Variants in SKA1 observed in about 807,000 individuals in gnomAD.
SKA1 encodes the protein spindle and kinetochore associated complex subunit 1, also known as SKA complex subunit 1.
SKA1 carries 20 observed loss-of-function variants against 31.8 expected under a neutral mutation model. The observed-to-expected ratio is 0.63, with a 90% CI of 0.44 to 0.91. The LOEUF (loss-of-function observed/expected upper bound fraction) is 0.91. SKA1 is among the 40% of genes least tolerant of loss of function. SKA1 has a pLI of 0.00. For synonymous variants in SKA1, 88 were observed against 100.5 expected, an observed-to-expected ratio of 0.88 and a Z score of 0.74; for missense variants, 253 against 298.2, an observed-to-expected ratio of 0.85 and a Z score of 1.12.
chr18:50,386,070 C>T (rs2149321902), intron 5 of SKA1, among the ~76,000 whole-genome samples: 1 of 152,242 alleles, frequency 6.6e-6, no homozygotes, highest in African/African-American at 2.4e-5. Context: ...TTTGACTATA[C>T]ATATGTAACA....
At chr18:50,376,505 A>AG (rs1428243789) in intron 2 of SKA1, among the ~76,000 whole-genome samples, 4 of 152,030 alleles carry the variant, frequency 2.6e-5, no homozygotes, top group African/African-American at 7.3e-5. Flanking sequence ...ACACCTGTAT[A>AG]GGCCACTTAC....
chr18:50,384,871 T>TAAAAAAAAAAAAAAAAAAAAAAAAAA (rs10608403), intron 4 of SKA1, among the ~76,000 whole-genome samples: 59 of 82,600 alleles, frequency 7.1e-4, no homozygotes, highest in Non-Finnish European at 8.0e-4. Flanking sequence ...AAAAAAAAAT[T>TAAAAAAAAAAAAAAAAAAAAAAAAAA]AAAAAAAAAA....
chr18:50,390,952 T>A (rs2041351901), intron 5 of SKA1, among the ~76,000 whole-genome samples, 172 bp from the exon 6 acceptor site: 1 of 152,228 alleles, frequency 6.6e-6, no homozygotes, highest in Non-Finnish European at 1.5e-5. Context: ...TGTTGTCATC[T>A]CTATTTAATT....
At chr18:50,382,369 T>G (rs780713182) in intron 4 of SKA1, 143 bp downstream of exon 4, 6 of 501,594 alleles carry the variant, frequency 1.2e-5, no homozygotes, top group Non-Finnish European at 1.7e-5. Context: ...AAACAGTATT[T>G]CCATGTTCAC....
chr18:50,392,167 G>A lies in SKA1; in HGVS notation c.688G>A (p.Val230Met), dbSNP rs151114367. The A allele has an allele frequency of 2.3e-4, 374 of 1,610,382 alleles. No homozygotes were observed. The highest frequency in any genetic ancestry group is 9.2e-4 in the South Asian group (83 of 90,092). Residue 230 changes from valine to methionine, a missense_variant, in exon 7 of 7, where the codon GTG (valine) becomes ATG (methionine). By Grantham distance (21) the Val-to-Met change is conservative (BLOSUM62 1). Transcript: ENST00000285116. Reference sequence around the variant, plus strand: ...TTTGAAAGCTGACAAGAAGTTTCACGTGTTACTGAATATTTTACGACACTG... The same window carrying A: ...TTTGAAAGCTGACAAGAAGTTTCACATGTTACTGAATATTTTACGACACTG... ...TTLKADKKFH[V>M]LLNILRHCRR...
intron 5 of SKA1, among the ~76,000 whole-genome samples, chr18:50,386,520 GTATGACA>G (rs1477692670): frequency 6.6e-6 from 1 of 152,136 alleles, no homozygotes; most frequent in Admixed American, 6.5e-5. Context: ...TAGAGCATTG[GTATGACA>G]TATCTGTTAC....
At chr18:50,377,166 C>T (rs979707566) in intron 2 of SKA1, among the ~76,000 whole-genome samples, 1 of 151,938 alleles carries the variant, frequency 6.6e-6, no homozygotes, top group Admixed American at 6.6e-5. Flanking sequence ...ATTGTATGTG[C>T]TGTACTTTTG....
intron 4 of SKA1, among the ~76,000 whole-genome samples, chr18:50,384,649 A>AAGAGAAGCCATTAAGCC (rs1568329649): frequency 1.4e-5 from 2 of 142,220 alleles, no homozygotes; most frequent in Admixed American, 7.0e-5. Context: ...TTAAGGGGTT[A>AAGAGAAGCCATTAAGCC]GAACAATGAG....
intron 5 of SKA1, among the ~76,000 whole-genome samples, chr18:50,387,102 C>T (rs1256797486): frequency 6.6e-6 from 1 of 152,218 alleles, no homozygotes; most frequent in Non-Finnish European, 1.5e-5. Flanking sequence ...CTGCCAATGG[C>T]TATACCATTT....
chr18:50,387,615 C>T (rs1042614633), intron 5 of SKA1, among the ~76,000 whole-genome samples: 2 of 152,160 alleles, frequency 1.3e-5, no homozygotes, highest in African/African-American at 4.8e-5. Flanking sequence ...GATGTATCTT[C>T]AAGTTCGCTG....
At chr18:50,377,817 G>A (rs142764998) in intron 2 of SKA1, among the ~76,000 whole-genome samples, 3 of 152,324 alleles carry the variant, frequency 2.0e-5, no homozygotes, top group East Asian at 3.9e-4. Flanking sequence ...TCTCAGGGAC[G>A]TTGATATTCT....
At chr18:50,382,059 G>T in intron 3 of SKA1, 70 bp from the exon 4 acceptor site, 2 of 942,658 alleles carry the variant, frequency 2.1e-6, no homozygotes, top group East Asian at 2.9e-5. Flanking sequence ...TGTTTTCCCT[G>T]CTCTTTAGAA....
Position 50,384,780 on chromosome 18 carries a change from G to T in SKA1, c.312-436G>T, listed in dbSNP as rs143956568. Among the ~76,000 whole-genome samples, 570 of 130,762 alleles carry T rather than the reference G, an allele frequency of 4.4e-3. 6 individuals are homozygous for T. The highest frequency in any genetic ancestry group is 6.6e-3 in the Non-Finnish European group (433 of 65,718). 85.8% of individuals were successfully genotyped at this position (130,762 alleles called of 152,430 possible). On this transcript the variant is annotated intron_variant, in intron 4 of 6. Transcript: ENST00000285116. Reference sequence around the variant, plus strand: ...TAGATGACACGTTAGTGGGTGCAGCGCACCAGCATGGCACATGTATACATA... The same window carrying T: ...TAGATGACACGTTAGTGGGTGCAGCTCACCAGCATGGCACATGTATACATA...
At chr18:50,382,057 C>A in intron 3 of SKA1, 72 bp from the exon 4 acceptor site, 1 of 933,200 alleles carries the variant, frequency 1.1e-6, no homozygotes, top group South Asian at 1.7e-5. Context: ...ACTGTTTTCC[C>A]TGCTCTTTAG....
chr18:50,390,727 A>G (rs2041349870), intron 5 of SKA1, among the ~76,000 whole-genome samples: 2 of 151,894 alleles, frequency 1.3e-5, no homozygotes, highest in South Asian at 2.1e-4. Flanking sequence ...TGAACAAGTA[A>G]TAGTTTTTGT....
intron 4 of SKA1, among the ~76,000 whole-genome samples, chr18:50,383,241 C>T (rs1206399308): frequency 6.6e-6 from 1 of 152,118 alleles, no homozygotes; most frequent in Admixed American, 6.5e-5. Flanking sequence ...CCTCGTCAGC[C>T]CTGGTTCTAC....
At chr18:50,390,411 T>C (rs1483203712) in intron 5 of SKA1, among the ~76,000 whole-genome samples, 2 of 152,186 alleles carry the variant, frequency 1.3e-5, no homozygotes, top group Non-Finnish European at 2.9e-5. Context: ...ACATTCAAAA[T>C]TGAGAGTCTC....
At chr18:50,384,475 A>G (rs2041286226) in intron 4 of SKA1, among the ~76,000 whole-genome samples, 1 of 152,140 alleles carries the variant, frequency 6.6e-6, no homozygotes, top group Non-Finnish European at 1.5e-5. Flanking sequence ...AAAATTGGGC[A>G]GATTGAATCC....
rs774142733 is a variant in SKA1, at chr18:50,382,173, T to C, written c.258T>C (p.His86=). The C allele has an allele frequency of 6.5e-7, 1 of 1,545,578 alleles. No individual in the cohort carries two copies. The highest frequency in any genetic ancestry group is 2.3e-5 in the Admixed American group (1 of 43,402). Residue 86 remains histidine (H), a synonymous_variant, in exon 4 of 7, where the codon CAT becomes CAC. Coordinates refer to ENST00000285116, the MANE Select transcript of SKA1 (RefSeq NM_145060.4). ...AAGAAGATTACAAAGACATAGAACA[T>C]CTTAAAGAAAACGTTCCTTCCCATT... ...SLEEDYKDIE[H]LKENVPSHLP...
Sources: allele counts gnomAD v4.1 joint callset (sites outside exome capture counted in the v4.1 genomes callset), GRCh38; gene constraint gnomAD v4.1.1; transcripts MANE v1.5; gene names NCBI Gene and HGNC (gene_info 2026-07-23, HGNC 2026-07-21).